Variants in KIF1C observed in about 807,000 individuals in gnomAD.
KIF1C encodes kinesin family member 1C.
KIF1C carries 61 observed loss-of-function variants against 126.5 expected under a neutral mutation model. The observed-to-expected ratio is 0.48, with a 90% CI of 0.39 to 0.60. The LOEUF (loss-of-function observed/expected upper bound fraction) is 0.60, where lower values mean the gene tolerates loss of function less well. Among genes scored for constraint, KIF1C ranks in the 20% least tolerant of loss-of-function variants. The pLI is 0.00. For missense variants in KIF1C, 1,315 were observed against 1,489.2 expected (o/e 0.88, Z 1.93); for synonymous variants, 640 against 580.6 (o/e 1.10, Z -1.47).
intron 21 of KIF1C, 150 bp downstream of exon 21, chr17:5,021,028 G>C: frequency 1.5e-6 from 1 of 652,096 alleles, no homozygotes; most frequent in South Asian, 1.8e-5. Flanking sequence ...AGAGAGATGT[G>C]ACTACAGGAA....
intron 21 of KIF1C, among the ~76,000 whole-genome samples, chr17:5,021,476 A>C (rs1442586181): frequency 6.6e-6 from 1 of 151,042 alleles, no homozygotes; most frequent in African/African-American, 2.4e-5. Context: ...GCACCCGGCC[A>C]TGGACTTTCT....
chr17:5,002,175 G>C, intron 6 of KIF1C, 51 bp downstream of exon 6: 1 of 1,521,304 alleles, frequency 6.6e-7, no homozygotes, highest in Admixed American at 1.7e-5. Context: ...ACTGCTGAGG[G>C]CTGTCGCTGG....
Position 5,001,529 on chromosome 17 carries a change from A to G in KIF1C, c.363+128A>G. The G allele has an allele frequency of 4.2e-6, 4 of 950,264 alleles. No homozygotes were observed. In the South Asian group the frequency reaches 5.0e-5, roughly 12 times the overall value. 58.9% of individuals were successfully genotyped at this position (950,264 alleles called of 1,614,324 possible). A position where few individuals can be genotyped will look rare whatever the true frequency, so the allele number is the denominator to read the frequency against. ...TCTGAGGCCATTGGTGATGGGAGAT[A>G]GAGGTTGACTGCAAGCTGGACAACC... is the stretch of plus-strand genomic sequence containing the variant. On this transcript the variant is annotated intron_variant, in intron 5 of 22. Coordinates refer to ENST00000320785, the MANE Select transcript of KIF1C (RefSeq NM_006612.6).
At chr17:5,012,192 C>T (rs1974881524) in intron 16 of KIF1C, 1 of 152,244 alleles carries the variant, frequency 6.6e-6, no homozygotes, top group Admixed American at 6.5e-5. Flanking sequence ...CTTGACTCAT[C>T]TCTGTACCCC....
rs551344652 is a variant in KIF1C at position 5,003,599 on chromosome 17, C to T, written c.721-13C>T. 32 of 1,602,740 alleles carry T rather than the reference C, an allele frequency of 2.0e-5. No individual in the cohort carries two copies. In the South Asian group the frequency reaches 3.1e-4, roughly 16 times the overall value. On this transcript the variant is annotated splice_polypyrimidine_tract_variant and intron_variant, in intron 8 of 22. Coordinates refer to ENST00000320785, the MANE Select transcript of KIF1C (RefSeq NM_006612.6). ...CCCGCACCTTATCTCCTGCCTGTTT[C>T]CTCTGACCCCAGGTCAGTAAGATCA...
In KIF1C at chr17:5,023,621, A is replaced by G. The variant is rs748090224; in HGVS notation, c.2782A>G (p.Met928Val). 2 of 1,613,450 alleles carry G rather than the reference A, an allele frequency of 1.2e-6. No individual in the cohort carries two copies. The highest frequency in any genetic ancestry group is 1.7e-6 in the Non-Finnish European group (2 of 1,179,848). Residue 928 changes from methionine (M) to valine (V), a missense_variant, in exon 23 of 23, where the codon ATG (methionine) becomes GTG (valine). By Grantham distance (21) the Met-to-Val change is conservative. Coordinates refer to ENST00000320785, the MANE Select transcript of KIF1C (RefSeq NM_006612.6). This position sits in a 1 kb window ranked among gnomAD's most constrained non-coding sequence, Gnocchi z 4.2. The stretch of plus-strand genomic sequence containing the variant: ...AAGCTGGGAGCGGGTGTCACGGCTC[A>G]TGGAGGAGGACCCTGCCTTCCGTCG... ...LSSWERVSRL[M>V]EEDPAFRRGR...
chr17:4,999,043 A>C (rs1484715960), intron 1 of KIF1C: 1 of 151,908 alleles, frequency 6.6e-6, no homozygotes, highest in East Asian at 1.9e-4. Flanking sequence ...ACCCTCAAAC[A>C]CAGGTATTTC....
In KIF1C at chr17:5,023,001, C is replaced by T. The variant is rs1290697621; in HGVS notation, c.2628+292C>T. On this transcript the variant is annotated intron_variant, in intron 22 of 22. Coordinates refer to ENST00000320785, the MANE Select transcript of KIF1C (RefSeq NM_006612.6). The surrounding 1 kb of genome is among the most constrained non-coding windows in gnomAD (Gnocchi z 4.2). The stretch of plus-strand genomic sequence containing the variant: ...GAAATACAGTGAAGTCTAAGACCCA[C>T]TGATATAAAGTTTGCAGTTTTGTTT... Among the ~76,000 whole-genome samples the T allele has an allele frequency of 6.6e-6, 1 of 152,154 alleles. No homozygotes were observed. The highest frequency in any genetic ancestry group is 1.5e-5 in the Non-Finnish European group (1 of 68,032).
chr17:5,018,678 C>G (rs1975029145), intron 18 of KIF1C, among the ~76,000 whole-genome samples: 1 of 150,646 alleles, frequency 6.6e-6, no homozygotes. Flanking sequence ...AAGAGTTTCA[C>G]TCCAACAAGA....
chr17:5,005,735 T>C (rs1389861916), intron 13 of KIF1C, among the ~76,000 whole-genome samples: 2 of 151,832 alleles, frequency 1.3e-5, no homozygotes, highest in African/African-American at 2.4e-5. Flanking sequence ...GAATTCTTTT[T>C]TTTTTTTTTT....
chr17:4,999,908 C>G lies in KIF1C; in HGVS notation c.-90C>G, dbSNP rs1974537149. The G allele has an allele frequency of 1.3e-5, 4 of 297,026 alleles. No individual in the cohort carries two copies. Among genetic ancestry groups the G allele is most frequent in the South Asian group, 7.9e-5 (2 of 25,332 alleles). 18.4% of individuals were successfully genotyped at this position (297,026 alleles called of 1,614,324 possible). ...GCCCCAGGAGTAGGATGGGGCTCCC[C>G]CTACGAGGGCCGGTGGCAGCCAGAA... is the stretch of plus-strand genomic sequence containing the variant. On this transcript the variant is annotated 5_prime_UTR_variant, in exon 2 of 23. Transcript: ENST00000320785.
intron 16 of KIF1C, among the ~76,000 whole-genome samples, chr17:5,008,043 C>T (rs1422584104): frequency 1.3e-5 from 2 of 152,044 alleles, no homozygotes; most frequent in Non-Finnish European, 2.9e-5. Context: ...GAAAGTGGAA[C>T]CTGAAAGATG....
chr17:5,013,623 C>T (rs747236054), intron 16 of KIF1C, 30 bp from the exon 17 acceptor site: 1 of 1,567,886 alleles, frequency 6.4e-7, no homozygotes, highest in South Asian at 1.1e-5. Flanking sequence ...CTGGCTGGCT[C>T]CCCCTGACCA....
Position 5,000,822 on chromosome 17 carries a change from G to T in KIF1C, c.157G>T (p.Asp53Tyr). 1 of 1,614,058 alleles carries T rather than the reference G, an allele frequency of 6.2e-7. No individual in the cohort carries two copies. The highest frequency in any genetic ancestry group is 8.5e-7 in the Non-Finnish European group (1 of 1,179,984). ...SKDAPKSFTF[D>Y]YSYWSHTSTE... ...GGATGCCCCCAAAAGCTTCACCTTT[G>T]ACTACTCCTACTGGTCACACACTTC... The change falls in exon 4 of 23, where the codon GAC becomes TAC. Residue 53 changes from aspartate (D) to tyrosine (Y), a missense_variant. Around this residue, in one of 2 missense-constraint regions of KIF1C, gnomAD observed 874 missense variants for 1,053.2 expected, o/e 0.83. Coordinates refer to ENST00000320785, the MANE Select transcript of KIF1C (RefSeq NM_006612.6).
intron 16 of KIF1C, among the ~76,000 whole-genome samples, chr17:5,009,777 ACT>A (rs985559223): frequency 4.2e-5 from 6 of 143,300 alleles, no homozygotes; most frequent in Non-Finnish European, 9.1e-5. Flanking sequence ...GACAGACAAG[ACT>A]CTGTCTCAAA....
rs906344649 is a variant in KIF1C at position 5,004,531 on chromosome 17, C to T, written c.941-36C>T. ...CCGGTCTGACTTTGCTTAGCCCCTC[C>T]CTCAGCTGAAGCTTTTCCATGCACT... On this transcript the variant is annotated intron_variant, in intron 11 of 22. Coordinates refer to ENST00000320785, the MANE Select transcript of KIF1C (RefSeq NM_006612.6). 17 of 1,603,038 alleles carry T rather than the reference C, an allele frequency of 1.1e-5. No individual in the cohort carries two copies. In the Admixed American group the frequency reaches 2.3e-4, roughly 22 times the overall value.
Position 5,020,582 on chromosome 17 carries a change from C to T in KIF1C, c.1841C>T (p.Pro614Leu), listed in dbSNP as rs944512777. The change falls in exon 20 of 23, where the codon CCC (proline) becomes CTC (leucine). Residue 614 changes from proline to leucine, a missense_variant. Around this residue, in one of 2 missense-constraint regions of KIF1C, gnomAD observed 874 missense variants for 1,053.2 expected, o/e 0.83. Coordinates refer to ENST00000320785, the MANE Select transcript of KIF1C (RefSeq NM_006612.6). The surrounding 1 kb of genome is among the most constrained non-coding windows in gnomAD (Gnocchi z 5.8). ...GAACGGGAACGAGGGGTCCCCCCAC[C>T]CCCAGGACCGCCCTCTGAGCCAGTC... ...RLERERGVPPPPGPPSEPVDW... is the reference protein window; with the variant it reads ...RLERERGVPPLPGPPSEPVDW... 7 of 1,614,138 alleles carry T rather than the reference C, an allele frequency of 4.3e-6. No individual in the cohort carries two copies. The African/African-American group carries it at 6.7e-5, about 15-fold the overall frequency.
In KIF1C at chr17:5,022,522, G is replaced by C; in HGVS notation, c.2441G>C (p.Gly814Ala). Residue 814 changes from glycine (G) to alanine (A), a missense_variant, in exon 22 of 23, where the codon GGA becomes GCA. Gly to Ala is a moderately conservative substitution (Grantham distance 60). Around this residue, in one of 2 missense-constraint regions of KIF1C, gnomAD observed 441 missense variants for 436.1 expected, o/e 1.01. Coordinates refer to ENST00000320785, the MANE Select transcript of KIF1C (RefSeq NM_006612.6). The surrounding 1 kb of genome is among the most constrained non-coding windows in gnomAD (Gnocchi z 4.9). ...WDTVGEEEGG[G>A]AGSGGGSEEG... ...ACTGTAGGCGAGGAGGAAGGAGGTG[G>C]AGCTGGCAGTGGTGGTGGCAGTGAG... 1 of 1,588,290 alleles carries C rather than the reference G, an allele frequency of 6.3e-7. No homozygotes were observed. The highest frequency in any genetic ancestry group is 8.6e-7 in the Non-Finnish European group (1 of 1,166,520).
chr17:5,000,440 G>C, intron 3 of KIF1C, 88 bp downstream of exon 3: 1 of 909,934 alleles, frequency 1.1e-6, no homozygotes, highest in South Asian at 1.4e-5. Context: ...AAACTAAGAG[G>C]AGGGTAATGC....
Sources: allele counts gnomAD v4.1 joint callset (sites outside exome capture counted in the v4.1 genomes callset), GRCh38; gene constraint gnomAD v4.1.1; regional missense constraint gnomAD v4.1.1; non-coding constraint Gnocchi (gnomAD v3.1); transcripts MANE v1.5; gene names NCBI Gene and HGNC (gene_info 2026-07-23, HGNC 2026-07-21).